COL5A2: variants seen among roughly 807,000 people sequenced by gnomAD.
COL5A2 encodes collagen type V alpha 2 chain, also known as collagen alpha-2(V) chain.
A neutral mutation model predicts 208.2 loss-of-function variants in COL5A2; 23 were observed. The observed-to-expected ratio is 0.11, with a 90% CI of 0.08 to 0.16. The LOEUF is 0.16. COL5A2 is among the 10% of genes least tolerant of loss of function. The pLI is 1.00. For synonymous variants in COL5A2, 625 were observed against 628.5 expected (o/e 0.99, Z 0.08); for missense variants, 1,590 against 1,956.4 (o/e 0.81, Z 3.53).
At chr2:189,197,828 G>A (rs536760932) in intron 1 of COL5A2, among the ~76,000 whole-genome samples, 3 of 148,228 alleles carry the variant, frequency 2.0e-5, no homozygotes, top group African/African-American at 2.5e-5. Flanking sequence ...TTCCTCTTAC[G>A]TGGCAAAAGT....
At chr2:189,256,880 G>A in the COL5A2 span, among the ~76,000 whole-genome samples, 355 of 152,190 alleles carry the variant, frequency 2.3e-3, 1 homozygote, top group African/African-American at 7.4e-3. Context: ...TGCCTGCCTC[G>A]GCCTCCCAAA....
the COL5A2 span, among the ~76,000 whole-genome samples, chr2:189,428,522 GCAGGAGAATTGCTTGAACC>G: frequency 6.6e-6 from 1 of 152,144 alleles, no homozygotes; most frequent in Non-Finnish European, 1.5e-5. Context: ...GAAGGCTGAG[GCAGGAGAATTGCTTGAACC>G]CAGGAGGCGG....
chr2:189,086,716 A>C lies in COL5A2; in HGVS notation c.690+10T>G, dbSNP rs1411056384. 3 of 1,570,950 alleles carry C rather than the reference A, an allele frequency of 1.9e-6. No individual in the cohort carries two copies. In the Admixed American group the frequency reaches 5.4e-5, roughly 28 times the overall value. On this transcript the variant is annotated intron_variant, in intron 9 of 53. Coordinates refer to ENST00000374866, the MANE Select transcript of COL5A2 (RefSeq NM_000393.5). The stretch of plus-strand genomic sequence containing the variant: ...TCTTACAGCATGTAATTAATTATAA[A>C]GAGACTTACTTGCTGTCCTTGTAAA...
chr2:189,122,297 G>A (rs1180462910), intron 1 of COL5A2, among the ~76,000 whole-genome samples: 3 of 152,190 alleles, frequency 2.0e-5, no homozygotes, highest in Non-Finnish European at 2.9e-5. Flanking sequence ...AGGGTGAGTA[G>A]AAGTGGGTTC....
At chr2:189,293,042 G>A in the COL5A2 span, among the ~76,000 whole-genome samples, 4 of 151,716 alleles carry the variant, frequency 2.6e-5, no homozygotes, top group Non-Finnish European at 5.9e-5. Flanking sequence ...CTCAAAGGTG[G>A]GAATTGAACA....
At chr2:189,083,732 A>G (rs1261473918) in intron 12 of COL5A2, among the ~76,000 whole-genome samples, 1 of 151,914 alleles carries the variant, frequency 6.6e-6, no homozygotes, top group Non-Finnish European at 1.5e-5. Context: ...CAGTTTGGAG[A>G]GCATTCATGT....
At chr2:189,338,436 C>T in the COL5A2 span, among the ~76,000 whole-genome samples, 1 of 152,080 alleles carries the variant, frequency 6.6e-6, no homozygotes. Context: ...TCTCCCCACC[C>T]TCAACCAGCT....
At chr2:189,421,665 A>G in the COL5A2 span, among the ~76,000 whole-genome samples, 1 of 152,086 alleles carries the variant, frequency 6.6e-6, no homozygotes, top group African/African-American at 2.4e-5. Flanking sequence ...CCTAGCCTCA[A>G]TGACTGCCCA....
At chr2:189,256,058 G>A in the COL5A2 span, among the ~76,000 whole-genome samples, 1 of 152,182 alleles carries the variant, frequency 6.6e-6, no homozygotes, top group Non-Finnish European at 1.5e-5. Context: ...ACATTCAGAT[G>A]TCTCTATCTC....
At chr2:189,104,621 G>A (rs1183881483) in intron 2 of COL5A2, among the ~76,000 whole-genome samples, 3 of 151,766 alleles carry the variant, frequency 2.0e-5, no homozygotes, top group African/African-American at 7.2e-5. Context: ...GAGCAAGGCT[G>A]TTTATTCATA....
At chr2:189,303,261 A>G in the COL5A2 span, among the ~76,000 whole-genome samples, 3 of 152,270 alleles carry the variant, frequency 2.0e-5, no homozygotes, top group Non-Finnish European at 2.9e-5. Flanking sequence ...AATCCTAGAC[A>G]TTCCTCCCAA....
the COL5A2 span, among the ~76,000 whole-genome samples, chr2:189,357,485 TCAAACTTCC>T: frequency 6.6e-6 from 1 of 152,030 alleles, no homozygotes; most frequent in African/African-American, 2.4e-5. Flanking sequence ...TCCACCAAAT[TCAAACTTCC>T]CAGTGGCTTT....
intron 1 of COL5A2, among the ~76,000 whole-genome samples, chr2:189,131,572 C>T (rs1192366834): frequency 6.6e-6 from 1 of 152,126 alleles, no homozygotes; most frequent in Non-Finnish European, 1.5e-5. Flanking sequence ...TGCCATTGGA[C>T]ATTGAAAATC....
chr2:189,181,545 A>G (rs936723623), upstream of COL5A2, among the ~76,000 whole-genome samples: 1 of 152,214 alleles, frequency 6.6e-6, no homozygotes, highest in African/African-American at 2.4e-5. Context: ...TGCCAGTCCT[A>G]TTCTACCATG....
chr2:189,112,252 G>A (rs184360115), intron 1 of COL5A2, among the ~76,000 whole-genome samples: 19 of 152,022 alleles, frequency 1.2e-4, no homozygotes, highest in Non-Finnish European at 2.5e-4. Context: ...TCTAAACTAC[G>A]GTAAACTAGT....
chr2:189,091,096 A>G (rs1485118987), intron 7 of COL5A2, among the ~76,000 whole-genome samples: 1 of 152,218 alleles, frequency 6.6e-6, no homozygotes. Flanking sequence ...TGGTGAAAAT[A>G]TAAGCCTCAA....
the COL5A2 span, among the ~76,000 whole-genome samples, chr2:189,347,883 T>C: frequency 3.9e-5 from 6 of 152,322 alleles, no homozygotes; most frequent in Non-Finnish European, 7.4e-5. Context: ...AAACTTCACA[T>C]TGTCTTTTCA....
intron 1 of COL5A2, among the ~76,000 whole-genome samples, chr2:189,214,901 C>T (rs1689259654): frequency 6.6e-6 from 1 of 152,148 alleles, no homozygotes; most frequent in African/African-American, 2.4e-5. Flanking sequence ...CTATTATTAT[C>T]AGCTTTTGCC....
chr2:189,123,854 T>C (rs1039767664), intron 1 of COL5A2, among the ~76,000 whole-genome samples: 1 of 152,082 alleles, frequency 6.6e-6, no homozygotes, highest in African/African-American at 2.4e-5. Context: ...ACAAAGCTAG[T>C]GAGTGGCAGA....
Sources: gnomAD v4.1 joint callset for allele counts (sites outside exome capture counted in the v4.1 genomes callset) on GRCh38, gnomAD v4.1.1 for gene constraint, MANE v1.5 for transcripts, NCBI Gene and HGNC (gene_info 2026-07-23, HGNC 2026-07-21) for gene names.